Variants in GRM8 observed in about 807,000 individuals in gnomAD.
GRM8 encodes the protein glutamate metabotropic receptor 8.
Under a neutral mutation model 87.2 loss-of-function variants are expected in GRM8, and 47 were observed. That is an observed-to-expected ratio of 0.54 (90% CI 0.43 to 0.69). The LOEUF (loss-of-function observed/expected upper bound fraction) is 0.69. Among genes scored for constraint, GRM8 ranks in the 30% least tolerant of loss-of-function variants. The pLI, the probability that GRM8 is intolerant of heterozygous loss-of-function variation, is 0.00. For missense variants in GRM8, 1,019 were observed against 1,139.2 expected (o/e 0.89, Z 1.52); for synonymous variants, 396 against 404.5 (o/e 0.98, Z 0.25).
chr7:126,773,548 A>G (rs1585875691), intron 6 of GRM8, among the ~76,000 whole-genome samples: 1 of 152,254 alleles, frequency 6.6e-6, no homozygotes, highest in Non-Finnish European at 1.5e-5. Flanking sequence ...AATTTAATAT[A>G]TTATCATTTT....
intron 7 of GRM8, among the ~76,000 whole-genome samples, chr7:126,694,449 A>G (rs1809162372): frequency 6.6e-6 from 1 of 152,208 alleles, no homozygotes; most frequent in South Asian, 2.1e-4. Context: ...ACTGTGATTA[A>G]ACTTTCCAAT....
At chr7:127,232,503 G>A (rs1797753312) in intron 2 of GRM8, among the ~76,000 whole-genome samples, 1 of 152,020 alleles carries the variant, frequency 6.6e-6, no homozygotes, top group African/African-American at 2.4e-5. Flanking sequence ...ATCCACCTTG[G>A]CCTCCCACAG....
At chr7:126,826,595 CA>C (rs1461162387) in intron 6 of GRM8, among the ~76,000 whole-genome samples, 5 of 152,020 alleles carry the variant, frequency 3.3e-5, no homozygotes. Context: ...TGTTTGAGTT[CA>C]TTGTAGATTC....
At chr7:126,748,184 T>C (rs1470308179) in intron 7 of GRM8, among the ~76,000 whole-genome samples, 1 of 152,000 alleles carries the variant, frequency 6.6e-6, no homozygotes. Context: ...GGAAGAAGAA[T>C]TAAACATCAG....
chr7:126,447,600 A>AAAAAC (rs769969237), intron 9 of GRM8, among the ~76,000 whole-genome samples: 64 of 152,032 alleles, frequency 4.2e-4, no homozygotes, highest in East Asian at 1.8e-3. Flanking sequence ...ATAAAGAATC[A>AAAAAC]AAAACAAAAC....
chr7:126,537,779 AAAAC>A (rs368552091), intron 8 of GRM8, among the ~76,000 whole-genome samples: 11 of 152,118 alleles, frequency 7.2e-5, no homozygotes, highest in Non-Finnish European at 1.0e-4. Context: ...TCCGTCAAAA[AAAAC>A]AAACAAACAA....
At position 127,030,800 on chromosome 7, in the gene GRM8, A is replaced by C. The variant is rs936173434; in HGVS notation, c.727+75696T>G. Among the ~76,000 whole-genome samples the C allele has an allele frequency of 5.3e-5, 8 of 152,130 alleles. 1 individual carries two copies. Among genetic ancestry groups the C allele is most frequent in the Admixed American group, 3.3e-4 (5 of 15,256 alleles). ...CGGCCAACTTAACAACAGGAAAACT[A>C]CTTTTTTTCCTACATGACATCCCTT... is the stretch of plus-strand genomic sequence containing the variant. On this transcript the variant is annotated intron_variant, in intron 3 of 10. Transcript: ENST00000339582.
intron 2 of GRM8, among the ~76,000 whole-genome samples, chr7:127,107,613 T>G (rs1825929285): frequency 6.6e-6 from 1 of 152,208 alleles, no homozygotes; most frequent in Non-Finnish European, 1.5e-5. Context: ...AAAAATTAAC[T>G]TTATGCTACA....
At chr7:127,015,804 G>A (rs1665885124) in intron 3 of GRM8, among the ~76,000 whole-genome samples, 1 of 152,044 alleles carries the variant, frequency 6.6e-6, no homozygotes, top group African/African-American at 2.4e-5. Context: ...ACATACAGAA[G>A]GTTGATGTAT....
At position 126,438,656 on chromosome 7, in the gene GRM8, T is replaced by C. The variant is rs750605430; in HGVS notation, c.*463A>G. On this transcript the variant is annotated 3_prime_UTR_variant, in exon 11 of 11. Transcript: ENST00000339582. The stretch of plus-strand genomic sequence containing the variant: ...TAAATTATTTGTATAAAAAATTGCA[T>C]GCATCAATCATTGCATTTATTTTTA... 3 of 152,866 alleles carry C rather than the reference T, an allele frequency of 2.0e-5. No individual in the cohort carries two copies. The highest frequency in any genetic ancestry group is 2.1e-4 in the South Asian group (1 of 4,846). 9.5% of individuals were successfully genotyped at this position (152,866 alleles called of 1,614,324 possible). A position where few individuals can be genotyped will look rare whatever the true frequency, so the allele number is the denominator to read the frequency against.
intron 3 of GRM8, among the ~76,000 whole-genome samples, chr7:127,047,495 T>G (rs1819049012): frequency 6.6e-6 from 1 of 152,124 alleles, no homozygotes; most frequent in South Asian, 2.1e-4. Context: ...CCTTTCTTTT[T>G]CCCCTTCTCC....
At chr7:126,888,908 T>C (rs1388140580) in intron 6 of GRM8, among the ~76,000 whole-genome samples, 1 of 152,092 alleles carries the variant, frequency 6.6e-6, no homozygotes, top group Non-Finnish European at 1.5e-5. Context: ...CACAGTGATG[T>C]AAGCAAACAA....
intron 7 of GRM8, among the ~76,000 whole-genome samples, chr7:126,610,617 T>C (rs563835950): frequency 6.6e-6 from 1 of 152,212 alleles, no homozygotes; most frequent in Non-Finnish European, 1.5e-5. Context: ...TCTTATTCTA[T>C]CTGTAGAGTT....
intron 8 of GRM8, among the ~76,000 whole-genome samples, chr7:126,602,236 T>G (rs1797858039): frequency 1.4e-5 from 2 of 145,104 alleles, no homozygotes; most frequent in South Asian, 4.6e-4. Flanking sequence ...AAAGATCAGA[T>G]AGTTGTAGGT....
At chr7:126,702,484 T>C (rs1385642947) in intron 7 of GRM8, among the ~76,000 whole-genome samples, 1 of 152,190 alleles carries the variant, frequency 6.6e-6, no homozygotes, top group Non-Finnish European at 1.5e-5. Context: ...AGAACTAAAC[T>C]GTAGAAGGAC....
chr7:126,460,371 T>C (rs148001475), intron 9 of GRM8, among the ~76,000 whole-genome samples: 166 of 151,652 alleles, frequency 1.1e-3, no homozygotes, highest in African/African-American at 3.9e-3. Context: ...ATGTTGAAGA[T>C]TCAATTATTT....
chr7:127,109,039 G>C (rs1424729809), intron 2 of GRM8, among the ~76,000 whole-genome samples: 1 of 151,996 alleles, frequency 6.6e-6, no homozygotes, highest in African/African-American at 2.4e-5. Flanking sequence ...TTTAATTTCT[G>C]TCCCAGCATC....
chr7:126,880,390 T>C (rs1208936057), intron 6 of GRM8, among the ~76,000 whole-genome samples: 1 of 152,244 alleles, frequency 6.6e-6, no homozygotes, highest in African/African-American at 2.4e-5. Flanking sequence ...CTGAGGAGTC[T>C]GATCATCTGG....
intron 10 of GRM8, among the ~76,000 whole-genome samples, chr7:126,442,115 C>G (rs947496916): frequency 6.6e-5 from 10 of 151,924 alleles, no homozygotes; most frequent in Non-Finnish European, 1.3e-4. Flanking sequence ...CGGGATGGAA[C>G]AGCTGTAGTC....
Sources: gnomAD v4.1 joint callset for allele counts (sites outside exome capture counted in the v4.1 genomes callset) on GRCh38, gnomAD v4.1.1 for gene constraint, MANE v1.5 for transcripts, NCBI Gene and HGNC (gene_info 2026-07-23, HGNC 2026-07-21) for gene names.